The following PEAK1 variants were observed in gnomAD, a reference collection of about 807,000 sequenced individuals.
PEAK1 encodes pseudopodium enriched atypical kinase 1.
Under a neutral mutation model 124.7 loss-of-function variants are expected in PEAK1, and 54 were observed. That is an observed-to-expected ratio of 0.43 (90% CI 0.35 to 0.54). PEAK1 has a LOEUF of 0.54. Ranked by LOEUF, PEAK1 falls within the 20% of genes least tolerant of loss-of-function variation. The probability of loss-of-function intolerance (pLI) is 0.01; values close to 1 mark genes in which losing one functional copy is unlikely to be tolerated. For synonymous variants in PEAK1, 719 were observed against 760.0 expected, an observed-to-expected ratio of 0.95 and a Z score of 0.89; for missense variants, 2,046 against 2,134.5, an observed-to-expected ratio of 0.96 and a Z score of 0.82.
intron 2 of PEAK1, among the ~76,000 whole-genome samples, chr15:77,319,194 T>C (rs1472992004): frequency 1.3e-5 from 2 of 152,066 alleles, no homozygotes; most frequent in Non-Finnish European, 2.9e-5. Context: ...TATTCTGGTC[T>C]ATAACAGGTG....
intron 6 of PEAK1, among the ~76,000 whole-genome samples, chr15:77,222,869 A>G (rs917622725): frequency 6.6e-6 from 1 of 152,068 alleles, no homozygotes; most frequent in Non-Finnish European, 1.5e-5. Context: ...CTTACAGGCA[A>G]AAAGTCAAAC....
At chr15:77,349,719 T>C in intron 2 of PEAK1, 3 of 985,288 alleles carry the variant, frequency 3.0e-6, no homozygotes, top group Non-Finnish European at 3.6e-6. Flanking sequence ...CTAACCCTTC[T>C]ATAAGTAGGT....
Position 77,180,522 on chromosome 15 carries a change from G to C in PEAK1, c.1405C>G (p.Gln469Glu), listed in dbSNP as rs1437337378. 6.2e-7 allele frequency: 1 copy of C among 1,614,116 alleles called. No homozygotes were observed. Among genetic ancestry groups the C allele is most frequent in the South Asian group, 1.1e-5 (1 of 91,084 alleles). Reference protein sequence around the residue: ...AKPYRVVNLEQPLCKPYTVVD... With the variant: ...AKPYRVVNLEEPLCKPYTVVD... ...ACAGTATATGGCTTGCACAATGGCT[G>C]TTCCAGGTTCACAACTCGGTAAGGT... Residue 469 changes from glutamine to glutamate, a missense_variant, in exon 7 of 10, where the codon CAG (glutamine) becomes GAG (glutamate). Gln to Glu is a conservative substitution (Grantham distance 29). Coordinates refer to ENST00000682557, the MANE Select transcript of PEAK1 (RefSeq NM_001385026.1).
intron 8 of PEAK1, among the ~76,000 whole-genome samples, chr15:77,137,858 G>C (rs1361401945): frequency 6.6e-6 from 1 of 152,176 alleles, no homozygotes; most frequent in East Asian, 1.9e-4. Context: ...TGGTTTGGCT[G>C]TGTCCCCACC....
At chr15:77,419,985 G>C (rs1409104890) in intron 1 of PEAK1, 21 bp downstream of exon 1, 1 of 149,052 alleles carries the variant, frequency 6.7e-6, no homozygotes. Context: ...GAGCGGACGC[G>C]GACAGCCGGG....
intron 5 of PEAK1, among the ~76,000 whole-genome samples, chr15:77,258,028 A>G (rs1039585325): frequency 2.6e-5 from 4 of 152,194 alleles, no homozygotes; most frequent in African/African-American, 9.7e-5. Context: ...GTCAAAGATC[A>G]GATAGTTGTA....
intron 2 of PEAK1, chr15:77,347,111 T>C (rs887775275): frequency 2.2e-5 from 15 of 674,818 alleles, no homozygotes; most frequent in Non-Finnish European, 2.6e-5. Context: ...GACTTGCAAG[T>C]TGGAATAAAC....
intron 1 of PEAK1, among the ~76,000 whole-genome samples, chr15:77,411,860 C>T (rs1394760893): frequency 3.3e-5 from 5 of 152,154 alleles, no homozygotes. Flanking sequence ...GATCCTCCCG[C>T]CTCATCCTCC....
intron 2 of PEAK1, among the ~76,000 whole-genome samples, chr15:77,320,228 C>T (rs910155006): frequency 3.9e-5 from 6 of 152,136 alleles, no homozygotes; most frequent in African/African-American, 1.4e-4. Context: ...TAGTGTCACT[C>T]CTACCAACAG....
intron 2 of PEAK1, among the ~76,000 whole-genome samples, chr15:77,298,287 C>T (rs1446578036): frequency 3.9e-5 from 5 of 127,052 alleles, no homozygotes; most frequent in Non-Finnish European, 7.8e-5. Flanking sequence ...GGCACAATCT[C>T]GGCTCACTGC....
At chr15:77,255,561 C>A in intron 5 of PEAK1, 1 of 164,354 alleles carries the variant, frequency 6.1e-6, no homozygotes, top group Non-Finnish European at 1.3e-5. Context: ...ATGTCACCAA[C>A]CATTTATGAT....
chr15:77,400,896 C>A (rs1319385420), intron 1 of PEAK1, among the ~76,000 whole-genome samples: 1 of 152,056 alleles, frequency 6.6e-6, no homozygotes, highest in African/African-American at 2.4e-5. Flanking sequence ...ATTCGTCTAT[C>A]ACTTGCTCAA....
Position 77,113,861 on chromosome 15 carries a change from AGAATAT to A in PEAK1, c.*289_*294del. ...TCATACCAAAGAAGCTGTCCCTTCA[AGAATAT>A]GGATTTTCATTTTTACCTGCATTTA... On this transcript the variant is annotated 3_prime_UTR_variant, in exon 10 of 10. Transcript: ENST00000682557. The A allele has an allele frequency of 2.6e-6, 1 of 384,204 alleles. No homozygotes were observed. The highest frequency in any genetic ancestry group is 4.7e-6 in the Non-Finnish European group (1 of 212,198). 23.8% of individuals were successfully genotyped at this position (384,204 alleles called of 1,614,324 possible).
chr15:77,336,818 T>C (rs973986785), intron 2 of PEAK1, among the ~76,000 whole-genome samples: 6 of 151,760 alleles, frequency 4.0e-5, no homozygotes, highest in African/African-American at 1.5e-4. Context: ...GATATAATAC[T>C]GTATAGCAGT....
intron 1 of PEAK1, among the ~76,000 whole-genome samples, chr15:77,410,845 C>A (rs2072349136): frequency 6.6e-6 from 1 of 152,176 alleles, no homozygotes; most frequent in African/African-American, 2.4e-5. Flanking sequence ...TGCCCCCTAT[C>A]CTACAAAGTA....
At chr15:77,296,352 C>T (rs1287961502) in intron 2 of PEAK1, among the ~76,000 whole-genome samples, 5 of 150,682 alleles carry the variant, frequency 3.3e-5, no homozygotes, top group African/African-American at 1.2e-4. Flanking sequence ...TGGCTCACGC[C>T]GGTAATCCCA....
At chr15:77,311,685 CAA>C (rs11296386) in intron 2 of PEAK1, among the ~76,000 whole-genome samples, 3,124 of 86,000 alleles carry the variant, frequency 0.036, 49 homozygotes, top group African/African-American at 0.07. Flanking sequence ...CCAACCCCCA[CAA>C]AAAAAAAAAA....
chr15:77,397,761 ACAAATAATGAGAT>A (rs2071014475), intron 1 of PEAK1, among the ~76,000 whole-genome samples: 1 of 152,156 alleles, frequency 6.6e-6, no homozygotes. Context: ...CAGACCAATA[ACAAATAATGAGAT>A]CAAGGCCAGG....
At position 77,235,323 on chromosome 15, in the gene PEAK1, T is replaced by C. The variant is rs145812154; in HGVS notation, c.-115+17044A>G. Among the ~76,000 whole-genome samples, 1,103 of 152,014 alleles carry C rather than the reference T, an allele frequency of 7.3e-3. 15 individuals carry two copies. Among genetic ancestry groups the C allele is most frequent in the African/African-American group, 0.025 (1,047 of 41,468 alleles). On this transcript the variant is annotated intron_variant, in intron 6 of 9. Transcript: ENST00000682557. ...AGAGGACAGGAAGATGTGGGAAAGT[T>C]TGGAACTTCCTAGAGACTTGTTAAA...
Sources: allele counts gnomAD v4.1 joint callset (sites outside exome capture counted in the v4.1 genomes callset), GRCh38; gene constraint gnomAD v4.1.1; transcripts MANE v1.5; gene names NCBI Gene and HGNC (gene_info 2026-07-23, HGNC 2026-07-21).